The following PIK3C2G variants were observed in gnomAD, a reference collection of about 807,000 sequenced individuals.
The protein encoded by PIK3C2G is phosphatidylinositol 3-kinase C2 domain-containing subunit gamma.
PIK3C2G carries 168 observed loss-of-function variants against 181.1 expected under a neutral mutation model. The ratio of observed to expected loss-of-function variants is 0.93; its 90% CI spans 0.82 to 1.05. The LOEUF is 1.05. Ranked by LOEUF, PIK3C2G falls within the 50% of genes least tolerant of loss-of-function variation. The pLI, the probability that PIK3C2G is intolerant of heterozygous loss-of-function variation, is 0.00. For missense variants in PIK3C2G, 1,869 were observed against 1,732.8 expected, an observed-to-expected ratio of 1.08 and a Z score of -1.40; for synonymous variants, 573 against 592.2, an observed-to-expected ratio of 0.97 and a Z score of 0.47.
intron 31 of PIK3C2G, among the ~76,000 whole-genome samples, chr12:18,630,594 A>G (rs1287033893): frequency 6.6e-6 from 1 of 152,136 alleles, no homozygotes; most frequent in African/African-American, 2.4e-5. Context: ...TCGGGGAAGA[A>G]GTGGAACAAA....
intron 8 of PIK3C2G, among the ~76,000 whole-genome samples, chr12:18,328,915 G>T (rs988843991): frequency 6.6e-6 from 1 of 151,804 alleles, no homozygotes; most frequent in Non-Finnish European, 1.5e-5. Flanking sequence ...AAAAGTGTAA[G>T]AAAATTGGAT....
At chr12:18,626,779 G>A (rs1949118218) in intron 31 of PIK3C2G, among the ~76,000 whole-genome samples, 1 of 151,832 alleles carries the variant, frequency 6.6e-6, no homozygotes. Context: ...GAAGTTTGCT[G>A]GTAGTTGTAT....
At chr12:18,275,385 T>A (rs77933062) in intron 1 of PIK3C2G, among the ~76,000 whole-genome samples, 1,555 of 152,224 alleles carry the variant, frequency 0.01, 35 homozygotes, top group African/African-American at 0.035. Flanking sequence ...CCTCTTAATT[T>A]ATTTATTTTT....
intron 18 of PIK3C2G, among the ~76,000 whole-genome samples, chr12:18,459,147 C>T (rs539374884): frequency 2.0e-5 from 3 of 151,902 alleles, no homozygotes; most frequent in South Asian, 2.1e-4. Flanking sequence ...AAAAGAAGCC[C>T]GAGGAAAGAG....
rs200910209 is a variant in PIK3C2G, at chr12:18,563,481, A to T, written c.3885A>T (p.Ala1295=). 1.9e-6 allele frequency: 3 copies of T among 1,613,738 alleles called. No homozygotes were observed. The highest frequency in any genetic ancestry group is 2.5e-6 in the Non-Finnish European group (3 of 1,179,798). The part of the protein sequence containing the change: ...KLHSQLQKQF[A]SLTLPEFPHW... Reference sequence around the variant, plus strand: ...ACAGCCAACTTCAGAAGCAGTTTGCATCACTGACTCTCCCAGAGTAAGGCA... The same window carrying T: ...ACAGCCAACTTCAGAAGCAGTTTGCTTCACTGACTCTCCCAGAGTAAGGCA... Residue 1295 remains alanine, a synonymous_variant, in exon 28 of 33, where the codon GCA becomes GCT. Coordinates refer to ENST00000538779, the MANE Select transcript of PIK3C2G (RefSeq NM_001288772.2).
At chr12:18,399,986 T>A (rs1944154332) in intron 16 of PIK3C2G, 139 bp downstream of exon 16, 1 of 465,182 alleles carries the variant, frequency 2.1e-6, no homozygotes, top group Non-Finnish European at 3.6e-6. Context: ...TTTAGATAAA[T>A]GTAAGCTATG....
chr12:18,707,856 C>A, the PIK3C2G span, among the ~76,000 whole-genome samples: 9 of 152,212 alleles, frequency 5.9e-5, no homozygotes, highest in Non-Finnish European at 1.0e-4. Flanking sequence ...TCACTTCTTG[C>A]TCTTTTGGGT....
the PIK3C2G span, among the ~76,000 whole-genome samples, chr12:18,678,236 A>T: frequency 6.6e-6 from 1 of 152,070 alleles, no homozygotes; most frequent in South Asian, 2.1e-4. Flanking sequence ...ACACATTGTC[A>T]CATCTGAGCC....
At chr12:18,252,339 A>G (rs1490996525) in intron 1 of PIK3C2G, among the ~76,000 whole-genome samples, 1 of 152,168 alleles carries the variant, frequency 6.6e-6, no homozygotes, top group African/African-American at 2.4e-5. Context: ...CTCTTCACCC[A>G]AGACCGCATA....
chr12:18,659,608 T>C, the PIK3C2G span, among the ~76,000 whole-genome samples: 4 of 151,982 alleles, frequency 2.6e-5, no homozygotes, highest in African/African-American at 9.7e-5. Flanking sequence ...AATCACACAT[T>C]TCATTTACGT....
intron 25 of PIK3C2G, among the ~76,000 whole-genome samples, chr12:18,539,578 G>T (rs1322639196): frequency 1.3e-5 from 2 of 151,746 alleles, no homozygotes; most frequent in Admixed American, 1.3e-4. Flanking sequence ...CACATTTCAA[G>T]TACTCAGTAG....
At chr12:18,322,945 G>A (rs185093975) in intron 7 of PIK3C2G, among the ~76,000 whole-genome samples, 406 of 152,246 alleles carry the variant, frequency 2.7e-3, no homozygotes, top group Admixed American at 4.2e-3. Context: ...GAAAGGGAGA[G>A]AAACACACAT....
intron 32 of PIK3C2G, among the ~76,000 whole-genome samples, chr12:18,644,552 T>G (rs1226403850): frequency 6.6e-6 from 1 of 152,204 alleles, no homozygotes; most frequent in Non-Finnish European, 1.5e-5. Context: ...TAAAATCTCC[T>G]GCAGAATATA....
chr12:18,518,025 G>A (rs570488943), intron 24 of PIK3C2G, among the ~76,000 whole-genome samples: 2 of 152,112 alleles, frequency 1.3e-5, no homozygotes, highest in Admixed American at 1.3e-4. Context: ...TTTATATGAC[G>A]ATGGATTACA....
At position 18,420,183 on chromosome 12, in the gene PIK3C2G, G is replaced by A. The variant is rs551179447; in HGVS notation, c.2316-758G>A. 3.9e-5 allele frequency among the ~76,000 whole-genome samples: 6 copies of A among 152,056 alleles called. No homozygotes were observed. In the South Asian group the frequency reaches 1.2e-3, roughly 32 times the overall value. On this transcript the variant is annotated intron_variant, in intron 16 of 32. Coordinates refer to ENST00000538779, the MANE Select transcript of PIK3C2G (RefSeq NM_001288772.2). Reference sequence around the variant, plus strand: ...ATCTAATCAATGTCAAAGCAATATGGAGCCAAAATTATCTCCAAGCACTTC... The same window carrying A: ...ATCTAATCAATGTCAAAGCAATATGAAGCCAAAATTATCTCCAAGCACTTC...
At chr12:18,696,049 A>AG in the PIK3C2G span, 1 of 652,842 alleles carries the variant, frequency 1.5e-6, no homozygotes, top group South Asian at 1.6e-5. Context: ...GGGCTAAAAA[A>AG]TCTTTTACAG....
intron 7 of PIK3C2G, among the ~76,000 whole-genome samples, chr12:18,324,355 G>A (rs1951241221): frequency 6.6e-6 from 1 of 152,108 alleles, no homozygotes; most frequent in Admixed American, 6.6e-5. Context: ...GTAGAAAAAT[G>A]AGAATGCAGC....
At chr12:18,525,113 A>G (rs1943148807) in intron 24 of PIK3C2G, among the ~76,000 whole-genome samples, 1 of 151,902 alleles carries the variant, frequency 6.6e-6, no homozygotes, top group Non-Finnish European at 1.5e-5. Context: ...ATATTGGGCC[A>G]GACCTGATGG....
chr12:18,434,418 G>A (rs1344386142), intron 18 of PIK3C2G, among the ~76,000 whole-genome samples: 1 of 152,214 alleles, frequency 6.6e-6, no homozygotes, highest in East Asian at 1.9e-4. Context: ...ACCCAAATAA[G>A]ATAGAATCAT....
Sources: gnomAD v4.1 joint callset for allele counts (sites outside exome capture counted in the v4.1 genomes callset) on GRCh38, gnomAD v4.1.1 for gene constraint, MANE v1.5 for transcripts, NCBI Gene and HGNC (gene_info 2026-07-23, HGNC 2026-07-21) for gene names.